The following SARDH variants were observed in gnomAD, a reference collection of about 807,000 sequenced individuals.
The protein encoded by SARDH is sarcosine dehydrogenase.
In SARDH, 95 loss-of-function variants were observed where a neutral mutation model predicts 109.1. The ratio of observed to expected loss-of-function variants is 0.87; its 90% confidence interval spans 0.74 to 1.03. The LOEUF (loss-of-function observed/expected upper bound fraction) is 1.03, where lower values mean the gene tolerates loss of function less well. Among genes scored for constraint, SARDH ranks in the 50% least tolerant of loss-of-function variants. The pLI is 0.00. For missense variants in SARDH, 1,267 were observed against 1,287.8 expected, an observed-to-expected ratio of 0.98 and a Z score of 0.25; for synonymous variants, 572 against 534.8, an observed-to-expected ratio of 1.07 and a Z score of -0.96.
At chr9:133,661,617 G>C (rs1832416253), downstream of SARDH, among the ~76,000 whole-genome samples, 2 of 152,022 alleles carry the variant, frequency 1.3e-5, no homozygotes, top group South Asian at 4.1e-4. Flanking sequence ...AAGTATCTGG[G>C]ATTACAGGCG....
upstream of SARDH, among the ~76,000 whole-genome samples, chr9:133,739,202 C>T (rs1016471900): frequency 5.3e-5 from 8 of 152,236 alleles, no homozygotes; most frequent in Non-Finnish European, 2.9e-5. Context: ...GTCACATCTC[C>T]TCCTCGCGCT....
chr9:133,681,528 G>A (rs1219165697), intron 17 of SARDH, among the ~76,000 whole-genome samples: 1 of 152,136 alleles, frequency 6.6e-6, no homozygotes, highest in Non-Finnish European at 1.5e-5. Context: ...AACCTCACTC[G>A]GGGTCTGAGC....
intron 17 of SARDH, among the ~76,000 whole-genome samples, chr9:133,675,685 G>C (rs1234251888): frequency 1.3e-5 from 2 of 152,192 alleles, no homozygotes; most frequent in Non-Finnish European, 2.9e-5. Flanking sequence ...CCACTTCTGG[G>C]TATACACCCA....
chr9:133,701,534 C>A (rs968497026), intron 13 of SARDH, among the ~76,000 whole-genome samples: 1 of 152,370 alleles, frequency 6.6e-6, no homozygotes, highest in South Asian at 2.1e-4. Flanking sequence ...CGGCTTCAGG[C>A]GCGTTTGCGG....
intron 6 of SARDH, among the ~76,000 whole-genome samples, chr9:133,719,762 C>T (rs1242742496): frequency 6.6e-6 from 1 of 152,074 alleles, no homozygotes; most frequent in Non-Finnish European, 1.5e-5. Flanking sequence ...TCCTGAGAGG[C>T]TCTCCAGTCC....
chr9:133,670,488 G>A (rs1432412195), intron 19 of SARDH, 96 bp downstream of exon 19: 2 of 1,319,514 alleles, frequency 1.5e-6, no homozygotes, highest in Middle Eastern at 2.1e-4. Context: ...GGGAAGTGTT[G>A]GTACCAGGGG....
intron 10 of SARDH, among the ~76,000 whole-genome samples, chr9:133,711,001 AC>A (rs1831898668): frequency 6.6e-6 from 1 of 152,132 alleles, no homozygotes; most frequent in African/African-American, 2.4e-5. Context: ...GGGGCTCCCC[AC>A]CTGTGCCCTT....
chr9:133,721,244 C>T (rs1263905505), intron 6 of SARDH, among the ~76,000 whole-genome samples: 2 of 152,228 alleles, frequency 1.3e-5, no homozygotes, highest in Non-Finnish European at 2.9e-5. Flanking sequence ...AACATCACAA[C>T]ACCGGATGGC....
chr9:133,731,123 G>C (rs1037460486), intron 4 of SARDH, among the ~76,000 whole-genome samples, 182 bp downstream of exon 4: 2 of 152,382 alleles, frequency 1.3e-5, no homozygotes, highest in South Asian at 4.1e-4. Context: ...TCTGTGAACA[G>C]AACGAAGGCA....
intron 6 of SARDH, among the ~76,000 whole-genome samples, chr9:133,721,589 C>A (rs866738701): frequency 1.1e-4 from 17 of 151,996 alleles, no homozygotes; most frequent in Admixed American, 2.6e-4. Flanking sequence ...CAAAAGGGAG[C>A]GGAAGATCTG....
At chr9:133,711,174 G>A (rs73548033) in intron 10 of SARDH, among the ~76,000 whole-genome samples, 3,636 of 152,362 alleles carry the variant, frequency 0.024, 143 homozygotes, top group African/African-American at 0.082. Flanking sequence ...GCTGAGTGCG[G>A]GACTAGGCCC....
At chr9:133,738,370 C>A (rs476835), upstream of SARDH, 3 of 151,820 alleles carry the variant, frequency 2.0e-5, no homozygotes, top group African/African-American at 4.8e-5. Context: ...CCCCGCCCCC[C>A]ACCCTCGCTG....
intron 16 of SARDH, among the ~76,000 whole-genome samples, chr9:133,688,753 C>T (rs1830978246): frequency 1.3e-5 from 2 of 152,240 alleles, no homozygotes; most frequent in African/African-American, 4.8e-5. Flanking sequence ...GGGAGCAGTT[C>T]CCCCAGAACA....
chr9:133,729,759 A>T lies in SARDH; in HGVS notation c.915+6T>A. ...ACTGACACAGAACCCGGGGCTGTCC[A>T]CCTACCTGAATCCCCTCGATGCGCT... On this transcript the variant is annotated splice_donor_region_variant and intron_variant, in intron 6 of 20. Transcript: ENST00000439388. 2 of 1,611,150 alleles carry T rather than the reference A, an allele frequency of 1.2e-6. No homozygotes were observed. The highest frequency in any genetic ancestry group is 1.7e-6 in the Non-Finnish European group (2 of 1,179,008).
intron 13 of SARDH, among the ~76,000 whole-genome samples, chr9:133,699,453 C>A (rs10993770): frequency 0.28 from 42,783 of 151,948 alleles, 7,052 homozygotes; most frequent in East Asian, 0.43. Flanking sequence ...TTGCAGTGAG[C>A]CGAGATCACA....
At chr9:133,660,131 T>C (rs1211367075), downstream of SARDH, among the ~76,000 whole-genome samples, 2 of 139,518 alleles carry the variant, frequency 1.4e-5, no homozygotes, top group Non-Finnish European at 3.1e-5. Context: ...ACAGCAGCCG[T>C]GTCCCCCCTA....
At chr9:133,659,840 C>A (rs543177721), downstream of SARDH, among the ~76,000 whole-genome samples, 1 of 152,156 alleles carries the variant, frequency 6.6e-6, no homozygotes, top group Non-Finnish European at 1.5e-5. Context: ...ACAGTAGACA[C>A]GGAGCAGGCC....
chr9:133,725,003 AG>A (rs1832439219), intron 6 of SARDH, among the ~76,000 whole-genome samples: 1 of 152,242 alleles, frequency 6.6e-6, no homozygotes, highest in African/African-American at 2.4e-5. Flanking sequence ...AATGTCCACC[AG>A]TGGGTGAACG....
chr9:133,700,050 G>A (rs1831425528), intron 13 of SARDH, among the ~76,000 whole-genome samples: 1 of 152,232 alleles, frequency 6.6e-6, no homozygotes, highest in African/African-American at 2.4e-5. Context: ...GAAGTGGCCT[G>A]GCATGGTGGC....
Sources: allele counts gnomAD v4.1 joint callset (sites outside exome capture counted in the v4.1 genomes callset), GRCh38; gene constraint gnomAD v4.1.1; transcripts MANE v1.5; gene names NCBI Gene and HGNC (gene_info 2026-07-23, HGNC 2026-07-21).